Variants in SLC26A1 observed in about 807,000 individuals in gnomAD.
The protein encoded by SLC26A1 is sulfate anion transporter 1.
A neutral mutation model predicts 14.5 loss-of-function variants in SLC26A1; 18 were observed. The observed-to-expected ratio is 1.24, with a 90% CI of 0.86 to 1.84. The LOEUF (loss-of-function observed/expected upper bound fraction) is 1.84. Among genes scored for constraint, SLC26A1 ranks in the 40% most tolerant of loss-of-function variants. The probability of loss-of-function intolerance (pLI) is 0.00; values close to 1 mark genes in which losing one functional copy is unlikely to be tolerated. For missense variants in SLC26A1, 1,049 were observed against 1,020.0 expected, an observed-to-expected ratio of 1.03 and a Z score of -0.39; for synonymous variants, 505 against 492.0, an observed-to-expected ratio of 1.03 and a Z score of -0.35.
downstream of SLC26A1, among the ~76,000 whole-genome samples, chr4:984,651 T>G (rs1367596742): frequency 1.3e-5 from 2 of 152,028 alleles, no homozygotes; most frequent in Non-Finnish European, 2.9e-5. Flanking sequence ...GCCAGGATGG[T>G]AAAACGCTGT....
Position 989,103 on chromosome 4 carries a change from C to T in SLC26A1, c.1836G>A (p.Val612=), listed in dbSNP as rs1560534206. Residue 612 remains valine, a synonymous_variant, in exon 3 of 3, where the codon GTG becomes GTA. Transcript: ENST00000398516. ...LVPAAAGFHT[V]VIDCAPLLFL... ...ACAGCAGCGGGGCGCAGTCGATGAC[C>T]ACTGTGTGGAAGCCGGCCGCTGCGG... 1.9e-6 allele frequency: 3 copies of T among 1,604,712 alleles called. No homozygotes were observed. Among genetic ancestry groups the T allele is most frequent in the Admixed American group, 3.4e-5 (2 of 59,206 alleles).
chr4:984,396 A>C (rs1244563487), downstream of SLC26A1, among the ~76,000 whole-genome samples: 1 of 152,216 alleles, frequency 6.6e-6, no homozygotes, highest in Non-Finnish European at 1.5e-5. Context: ...TGTAATCTAA[A>C]TTTATTGTTT....
chr4:986,952 C>A, downstream of SLC26A1: 1 of 743,078 alleles, frequency 1.3e-6, no homozygotes, highest in Non-Finnish European at 2.2e-6. Context: ...CAACCCCTCC[C>A]ACCCGGCCAT....
chr4:982,708 C>A (rs1386701424), downstream of SLC26A1, among the ~76,000 whole-genome samples: 1 of 152,204 alleles, frequency 6.6e-6, no homozygotes, highest in African/African-American at 2.4e-5. Context: ...CTCACAGAGC[C>A]CCAAAATCTA....
chr4:988,061 G>A lies in SLC26A1; in HGVS notation c.*772C>T. 6.8e-7 allele frequency: 1 copy of A among 1,473,204 alleles called. No individual in the cohort carries two copies. Among genetic ancestry groups the A allele is most frequent in the Non-Finnish European group, 9.0e-7 (1 of 1,109,688 alleles). 91.3% of individuals were successfully genotyped at this position (1,473,204 alleles called of 1,614,324 possible). On this transcript the variant is annotated 3_prime_UTR_variant, in exon 3 of 3. Coordinates refer to ENST00000398516, the MANE Select transcript of SLC26A1 (RefSeq NM_022042.4). ...CCTTGTTCCCCCACCTCCCGCCGAA[G>A]CACCCTGTTGGGGAGAGCGTGTCCT... is the stretch of plus-strand genomic sequence containing the variant.
intron 1 of SLC26A1, 37 bp from the exon 2 acceptor site, chr4:991,767 C>T (rs973268417): frequency 8.5e-6 from 13 of 1,527,632 alleles, no homozygotes; most frequent in Admixed American, 4.0e-5. Context: ...CAGGAGCCCC[C>T]GGATCCAGGG....
Position 991,241 on chromosome 4 carries a change from G to A in SLC26A1, c.463C>T (p.Pro155Ser). 6.2e-7 allele frequency: 1 copy of A among 1,611,910 alleles called. No homozygotes were observed. The highest frequency in any genetic ancestry group is 8.5e-7 in the Non-Finnish European group (1 of 1,179,360). ...TTGAGGGTGCTGCTGTTGGCTCCGG[G>A]CTGCAGGCCGTCCTGGGAGGGGTCA... ...GFDPSQDGLQ[P>S]GANSSTLNGS... is the part of the protein sequence containing the mutation. The change falls in exon 2 of 3, where the codon CCC becomes TCC. Residue 155 changes from proline (P) to serine (S), a missense_variant. Coordinates refer to ENST00000398516, the MANE Select transcript of SLC26A1 (RefSeq NM_022042.4).
At chr4:979,784 G>A (rs988517259) in intron 2 of SLC26A1, among the ~76,000 whole-genome samples, 2 of 152,252 alleles carry the variant, frequency 1.3e-5, no homozygotes, top group Non-Finnish European at 2.9e-5. Flanking sequence ...ACGTGGACCA[G>A]GCTGGCACAA....
exon 3 of SLC26A1, chr4:979,370 T>C (rs1713468735): frequency 8.4e-7 from 1 of 1,194,164 alleles, no homozygotes; most frequent in Non-Finnish European, 1.2e-6. Context: ...GGGTCCCGCA[T>C]TCTCGATGTC....
chr4:987,743 T>C lies in SLC26A1; in HGVS notation c.*1090A>G. ...GCCCGGGCAGTCCTGGGCTTGAACG[T>C]GTGTGTCAGCCGCGCTGCCAGCCAT... On this transcript the variant is annotated 3_prime_UTR_variant, in exon 3 of 3. Coordinates refer to ENST00000398516, the MANE Select transcript of SLC26A1 (RefSeq NM_022042.4). 5.6e-6 allele frequency: 9 copies of C among 1,604,818 alleles called. No individual in the cohort carries two copies. The East Asian group carries it at 1.8e-4, about 32-fold the overall frequency.
At position 989,666 on chromosome 4, in the gene SLC26A1, GCAGCACCAC is replaced by G; in HGVS notation, c.1264_1272del (p.Val422_Leu424del). 1 of 1,577,068 alleles carries G rather than the reference GCAGCACCAC, an allele frequency of 6.3e-7. No individual in the cohort carries two copies. Among genetic ancestry groups the G allele is most frequent in the Non-Finnish European group, 8.6e-7 (1 of 1,162,410 alleles). On this transcript the variant is annotated inframe_deletion, in exon 3 of 3. Transcript: ENST00000398516. The stretch of plus-strand genomic sequence containing the variant: ...AGCGGTGCCAGCGCCAGCAGCACCA[GCAGCACCAC>G]GGTGGCGCTGACCACGCTGGACAGC...
At chr4:979,952 A>G (rs1177318999) in intron 2 of SLC26A1, among the ~76,000 whole-genome samples, 2 of 152,246 alleles carry the variant, frequency 1.3e-5, no homozygotes, top group African/African-American at 2.4e-5. Context: ...AAGGTGGCAG[A>G]CGTGGAGACA....
downstream of SLC26A1, chr4:987,198 C>T (rs1421237422): frequency 2.0e-6 from 3 of 1,478,272 alleles, no homozygotes; most frequent in East Asian, 2.9e-5. Context: ...ACGCGGCCCG[C>T]GCGCTGTGGC....
In SLC26A1 at chr4:988,172, C is replaced by T; in HGVS notation, c.*661G>A. ...GGCTTCCTGCAGGTCTCCCTGCAGG[C>T]TCAGGGTTGGCTGCGCCGCACCTGG... On this transcript the variant is annotated 3_prime_UTR_variant, in exon 3 of 3. Coordinates refer to ENST00000398516, the MANE Select transcript of SLC26A1 (RefSeq NM_022042.4). 1.4e-6 allele frequency: 2 copies of T among 1,389,654 alleles called. No homozygotes were observed. Among genetic ancestry groups the T allele is most frequent in the African/African-American group, 1.5e-5 (1 of 68,818 alleles). 86.1% of individuals were successfully genotyped at this position (1,389,654 alleles called of 1,614,324 possible).
rs1395283599 is a variant in SLC26A1 at position 988,616 on chromosome 4, G to A, written c.*217C>T. The A allele has an allele frequency of 3.0e-5, 41 of 1,371,936 alleles. No individual in the cohort carries two copies. Among genetic ancestry groups the A allele is most frequent in the East Asian group, 2.2e-4 (8 of 35,726 alleles). The allele number at this position is 1,371,936 out of a possible 1,614,324, so 85.0% of individuals were successfully genotyped here. Reference sequence around the variant, plus strand: ...CCAGCACTGTGGGCCAGCCTGTCTCGGAGGCAGAGGTTCTTGATTTCTGAG... The same window carrying A: ...CCAGCACTGTGGGCCAGCCTGTCTCAGAGGCAGAGGTTCTTGATTTCTGAG... On this transcript the variant is annotated 3_prime_UTR_variant, in exon 3 of 3. Transcript: ENST00000398516.
chr4:989,786 C>G lies in SLC26A1; in HGVS notation c.1153G>C (p.Val385Leu). The stretch of plus-strand genomic sequence containing the variant: ...AAGCAGTGGAGGAAGGCGGGTAGCA[C>G]GTTGCAGCAGCCCACAGCCAGCAGC... ...QELLAVGCCN[V>L]LPAFLHCFAT... The change falls in exon 3 of 3, where the codon GTG becomes CTG. Residue 385 changes from valine (V) to leucine (L), a missense_variant. Val to Leu is a conservative substitution (Grantham distance 32). Transcript: ENST00000398516. The G allele has an allele frequency of 1.9e-6, 3 of 1,568,880 alleles. No individual in the cohort carries two copies. The highest frequency in any genetic ancestry group is 2.6e-6 in the Non-Finnish European group (3 of 1,157,750).
chr4:980,754 G>C (rs1378456446), intron 2 of SLC26A1, among the ~76,000 whole-genome samples: 2 of 151,936 alleles, frequency 1.3e-5, no homozygotes, highest in Non-Finnish European at 2.9e-5. Context: ...CCATTCTAGG[G>C]GGCAGCTTCC....
chr4:986,606 C>A (rs1713738221), downstream of SLC26A1, among the ~76,000 whole-genome samples: 2 of 152,148 alleles, frequency 1.3e-5, no homozygotes, highest in South Asian at 4.1e-4. Flanking sequence ...CCAGTGTGCT[C>A]TTCTGGGGTA....
rs753797505 is a variant in SLC26A1, at chr4:989,885, C to A, written c.1054G>T (p.Ala352Ser). 9 of 1,569,738 alleles carry A rather than the reference C, an allele frequency of 5.7e-6. No homozygotes were observed. Among genetic ancestry groups the A allele is most frequent in the Non-Finnish European group, 7.8e-6 (9 of 1,158,458 alleles). The change falls in exon 3 of 3, where the codon GCT becomes TCT. Residue 352 changes from alanine to serine, a missense_variant. Physicochemically the swap from Ala to Ser is moderately conservative, Grantham distance 99. Transcript: ENST00000398516. ...ALDAVALALV[A>S]AAFSISLAEM... ...GCCAGCGAGATGGAGAAGGCGGCAGCCACGAGGGCCAGGGCCACGGCATCC... is the reference window on the plus strand; with the variant it reads ...GCCAGCGAGATGGAGAAGGCGGCAGACACGAGGGCCAGGGCCACGGCATCC...
Sources: allele counts gnomAD v4.1 joint callset (sites outside exome capture counted in the v4.1 genomes callset), GRCh38; gene constraint gnomAD v4.1.1; transcripts MANE v1.5; gene names NCBI Gene and HGNC (gene_info 2026-07-23, HGNC 2026-07-21).